FUT8: variants seen among roughly 807,000 people sequenced by gnomAD.
The protein encoded by FUT8 is alpha-(1,6)-fucosyltransferase.
A neutral mutation model predicts 71.3 loss-of-function variants in FUT8; 29 were observed. That is an observed-to-expected ratio of 0.41 (90% CI 0.30 to 0.55). The LOEUF (loss-of-function observed/expected upper bound fraction) is 0.55, where lower values mean the gene tolerates loss of function less well. Among genes scored for constraint, FUT8 ranks in the 20% least tolerant of loss-of-function variants. The pLI, the probability that FUT8 is intolerant of heterozygous loss-of-function variation, is 0.34. For missense variants in FUT8, 544 were observed against 702.1 expected (o/e 0.77, Z 2.55); for synonymous variants, 254 against 239.3 (o/e 1.06, Z -0.57).
chr14:65,711,465 ACTAGGGTTTTCCTT>A (rs1193352118), intron 7 of FUT8, among the ~76,000 whole-genome samples: 1 of 152,154 alleles, frequency 6.6e-6, no homozygotes, highest in Non-Finnish European at 1.5e-5. Context: ...CATATATGAG[ACTAGGGTTTTCCTT>A]CCTTTCTCTC....
At chr14:65,387,212 C>G in the FUT8 span, among the ~76,000 whole-genome samples, 2 of 152,130 alleles carry the variant, frequency 1.3e-5, no homozygotes, top group African/African-American at 4.8e-5. Flanking sequence ...GACTTGGAAA[C>G]AGTTTGAGCC....
intron 2 of FUT8, among the ~76,000 whole-genome samples, chr14:65,477,756 A>T (rs544778631): frequency 1.3e-5 from 2 of 152,298 alleles, no homozygotes; most frequent in South Asian, 4.1e-4. Flanking sequence ...AACTTTTCTC[A>T]TATCTTCTAG....
chr14:65,689,368 A>G (rs1054073078), intron 7 of FUT8, among the ~76,000 whole-genome samples: 1 of 152,036 alleles, frequency 6.6e-6, no homozygotes, highest in Non-Finnish European at 1.5e-5. Flanking sequence ...TCTTACTATT[A>G]AGTTTTAAGG....
chr14:65,538,681 T>G (rs1342874118), intron 2 of FUT8, among the ~76,000 whole-genome samples: 1 of 152,078 alleles, frequency 6.6e-6, no homozygotes, highest in East Asian at 1.9e-4. Context: ...GTAGTTTGGG[T>G]GGCCGAGGTA....
At chr14:65,443,106 G>C (rs2065685798) in intron 1 of FUT8, among the ~76,000 whole-genome samples, 1 of 152,088 alleles carries the variant, frequency 6.6e-6, no homozygotes, top group Non-Finnish European at 1.5e-5. Flanking sequence ...ACCTGAAACT[G>C]TTCTAAAAAA....
chr14:65,425,512 C>G (rs149634820), intron 1 of FUT8, among the ~76,000 whole-genome samples: 1 of 150,632 alleles, frequency 6.6e-6, no homozygotes, highest in Non-Finnish European at 1.5e-5. Flanking sequence ...TCTTTTTCCC[C>G]CTGGTTTTAT....
chr14:65,488,149 A>G (rs1338692938), intron 2 of FUT8, among the ~76,000 whole-genome samples: 1 of 152,148 alleles, frequency 6.6e-6, no homozygotes, highest in Non-Finnish European at 1.5e-5. Flanking sequence ...CCTGTTATGT[A>G]GGTGCTCTGT....
At chr14:65,522,530 A>C (rs1883150935) in intron 2 of FUT8, among the ~76,000 whole-genome samples, 2 of 152,210 alleles carry the variant, frequency 1.3e-5, no homozygotes, top group Admixed American at 1.3e-4. Flanking sequence ...GTATTTGAGC[A>C]TCAGGAGTTC....
chr14:65,466,753 A>G (rs149946155), intron 2 of FUT8, among the ~76,000 whole-genome samples: 7,512 of 152,266 alleles, frequency 0.049, 256 homozygotes, highest in Admixed American at 0.11. Flanking sequence ...GTCTCAAAAA[A>G]AAAAAGAATA....
intron 3 of FUT8, 48 bp downstream of exon 3, chr14:65,561,814 T>C (rs1399671615): frequency 6.7e-7 from 1 of 1,491,256 alleles, no homozygotes; most frequent in Non-Finnish European, 9.3e-7. Flanking sequence ...TTGTACTTTG[T>C]TTTTAGGTGT....
At chr14:65,729,750 AC>A (rs1463737586) in intron 9 of FUT8, among the ~76,000 whole-genome samples, 1 of 152,162 alleles carries the variant, frequency 6.6e-6, no homozygotes, top group Non-Finnish European at 1.5e-5. Flanking sequence ...CCCTTATAGT[AC>A]AGTTGGCAGT....
intron 3 of FUT8, among the ~76,000 whole-genome samples, chr14:65,573,038 T>C (rs1566829074): frequency 6.6e-6 from 1 of 152,092 alleles, no homozygotes; most frequent in Non-Finnish European, 1.5e-5. Flanking sequence ...GACTCTGATA[T>C]TTGGATTGGG....
At chr14:65,434,527 A>G (rs2065526176) in intron 1 of FUT8, among the ~76,000 whole-genome samples, 1 of 152,270 alleles carries the variant, frequency 6.6e-6, no homozygotes, top group Non-Finnish European at 1.5e-5. Context: ...AATTTGAAGT[A>G]GCAAAAACAA....
chr14:65,435,344 A>G (rs2065538873), intron 1 of FUT8, among the ~76,000 whole-genome samples: 1 of 152,218 alleles, frequency 6.6e-6, no homozygotes, highest in South Asian at 2.1e-4. Flanking sequence ...TGGAGGGCCA[A>G]CTGTAAGTGA....
chr14:65,662,021 T>C (rs951303400), intron 6 of FUT8, among the ~76,000 whole-genome samples: 4 of 152,208 alleles, frequency 2.6e-5, no homozygotes, highest in Non-Finnish European at 5.9e-5. Context: ...AATTGTTGAT[T>C]TACAGGGCAG....
chr14:65,374,165 G>A, the FUT8 span, among the ~76,000 whole-genome samples: 6 of 152,140 alleles, frequency 3.9e-5, no homozygotes, highest in African/African-American at 1.4e-4. Context: ...CTGTGTCTTT[G>A]TCTAATGCTC....
intron 2 of FUT8, among the ~76,000 whole-genome samples, chr14:65,555,916 T>C (rs572521799): frequency 3.3e-5 from 5 of 152,330 alleles, no homozygotes; most frequent in African/African-American, 9.6e-5. Context: ...GTTAAATCTC[T>C]TATTTGCTGT....
At chr14:65,689,714 T>G (rs1204194984) in intron 7 of FUT8, among the ~76,000 whole-genome samples, 1 of 152,174 alleles carries the variant, frequency 6.6e-6, no homozygotes, top group South Asian at 2.1e-4. Flanking sequence ...AATTGTTGTA[T>G]TTTTAGTAGA....
upstream of FUT8, chr14:65,412,145 C>T (rs920761570): frequency 1.3e-5 from 6 of 456,520 alleles, no homozygotes; most frequent in Non-Finnish European, 2.6e-5. Context: ...GGGTCTTTCT[C>T]TTCGAGTGAA....
Sources: gnomAD v4.1 joint callset for allele counts (sites outside exome capture counted in the v4.1 genomes callset) on GRCh38, gnomAD v4.1.1 for gene constraint, MANE v1.5 for transcripts, NCBI Gene and HGNC (gene_info 2026-07-23, HGNC 2026-07-21) for gene names.